Variants in ZNF827 observed in about 807,000 individuals in gnomAD.
ZNF827 encodes zinc finger protein 827.
ZNF827 carries 13 observed loss-of-function variants against 102.4 expected under a neutral mutation model. The ratio of observed to expected loss-of-function variants is 0.13; its 90% CI spans 0.08 to 0.20. The LOEUF is 0.20. Ranked by LOEUF, ZNF827 falls within the 10% of genes least tolerant of loss-of-function variation. The pLI is 1.00. For missense variants in ZNF827, 1,103 were observed against 1,344.4 expected (o/e 0.82, Z 2.81); for synonymous variants, 523 against 536.2 (o/e 0.98, Z 0.34).
chr4:145,830,378 A>G (rs1004647078), intron 7 of ZNF827: 4 of 152,214 alleles, frequency 2.6e-5, no homozygotes, highest in Non-Finnish European at 5.9e-5. Flanking sequence ...TACCTCCTCA[A>G]CATTTCCTCA....
rs770599323 is a variant in ZNF827, at chr4:145,763,317, C to T, written c.3231-195G>A. On this transcript the variant is annotated intron_variant, in intron 13 of 14. Coordinates refer to ENST00000508784, the MANE Select transcript of ZNF827 (RefSeq NM_001306215.2). This position sits in a 1 kb window ranked among gnomAD's most constrained non-coding sequence, Gnocchi z 4.6. ...AAGTGCTAAGGGTTTTCCGTGCTCC[C>T]GTTATTTTCTTAAAGACACTCTCTC... 1.3e-5 allele frequency among the ~76,000 whole-genome samples: 2 copies of T among 152,168 alleles called. No homozygotes were observed. The highest frequency in any genetic ancestry group is 2.4e-5 in the African/African-American group (1 of 41,430).
At chr4:145,869,479 G>A (rs2126752409) in intron 5 of ZNF827, among the ~76,000 whole-genome samples, 1 of 152,218 alleles carries the variant, frequency 6.6e-6, no homozygotes, top group South Asian at 2.1e-4. Flanking sequence ...ACTAAGGATG[G>A]GATATGACTT....
chr4:145,834,049 A>AC (rs1744557400), intron 7 of ZNF827, among the ~76,000 whole-genome samples: 1 of 152,082 alleles, frequency 6.6e-6, no homozygotes, highest in Non-Finnish European at 1.5e-5. Context: ...TGTGTTCTCA[A>AC]AAACTTAAAA....
At chr4:145,844,400 C>A (rs1036700737) in intron 7 of ZNF827, among the ~76,000 whole-genome samples, 1 of 148,784 alleles carries the variant, frequency 6.7e-6, no homozygotes, top group African/African-American at 2.5e-5. Context: ...CCAGTGTGAG[C>A]GAATCACGGT....
chr4:145,882,640 T>C (rs764616575), intron 4 of ZNF827, among the ~76,000 whole-genome samples: 1 of 152,184 alleles, frequency 6.6e-6, no homozygotes, highest in African/African-American at 2.4e-5. Context: ...AAGACTCCCC[T>C]TAATAACCAG....
At position 145,760,710 on chromosome 4, in the gene ZNF827, A is replaced by T; in HGVS notation, c.*906T>A. The T allele has an allele frequency of 9.8e-7, 1 of 1,023,714 alleles. No homozygotes were observed. The highest frequency in any genetic ancestry group is 1.2e-6 in the Non-Finnish European group (1 of 841,664). The allele number at this position is 1,023,714 out of a possible 1,614,324, so 63.4% of individuals were successfully genotyped here. ...ACATACACCTGCTGGGGTTGTGTTTAAGTTTTGTGGTTTTTTTTTTTTTTT... is the reference window on the plus strand; with the variant it reads ...ACATACACCTGCTGGGGTTGTGTTTTAGTTTTGTGGTTTTTTTTTTTTTTT... On this transcript the variant is annotated 3_prime_UTR_variant, in exon 15 of 15. Coordinates refer to ENST00000508784, the MANE Select transcript of ZNF827 (RefSeq NM_001306215.2).
At position 145,902,041 on chromosome 4, in the gene ZNF827, T is replaced by TAA; in HGVS notation, c.1093+124_1093+125insTT. On this transcript the variant is annotated intron_variant, in intron 2 of 14. Transcript: ENST00000508784. This position sits in a 1 kb window ranked among gnomAD's most constrained non-coding sequence, Gnocchi z 4.3. ...CTGCTTACTTAAAGTATTTTTGTTG[T>TAA]GCTCTTGCTTTTTTATTCCTGCCTC... 1 of 1,245,462 alleles carries TAA rather than the reference T, an allele frequency of 8.0e-7. No homozygotes were observed. The allele number at this position is 1,245,462 out of a possible 1,614,324, so 77.2% of individuals were successfully genotyped here.
chr4:145,858,172 T>TGC (rs1554000120), intron 5 of ZNF827, among the ~76,000 whole-genome samples: 63 of 147,978 alleles, frequency 4.3e-4, no homozygotes, highest in African/African-American at 1.2e-3. Context: ...TGTGTGTGTG[T>TGC]GCACATGTGG....
At chr4:145,792,018 C>T (rs1200736102) in intron 8 of ZNF827, among the ~76,000 whole-genome samples, 1 of 152,190 alleles carries the variant, frequency 6.6e-6, no homozygotes, top group Non-Finnish European at 1.5e-5. Flanking sequence ...TTGCAAAAAC[C>T]TCTGCTTTCT....
At chr4:145,782,954 T>C (rs767047394) in intron 8 of ZNF827, among the ~76,000 whole-genome samples, 1 of 152,248 alleles carries the variant, frequency 6.6e-6, no homozygotes, top group African/African-American at 2.4e-5. Flanking sequence ...GGTGAAGCCC[T>C]GCCCAATTCC....
At chr4:145,879,087 C>T (rs1749447464) in intron 4 of ZNF827, among the ~76,000 whole-genome samples, 1 of 152,034 alleles carries the variant, frequency 6.6e-6, no homozygotes, top group Non-Finnish European at 1.5e-5. Context: ...AACAGTGAAG[C>T]AGACGGAGGT....
intron 1 of ZNF827, among the ~76,000 whole-genome samples, chr4:145,920,543 T>C (rs1752988263): frequency 6.6e-6 from 1 of 152,196 alleles, no homozygotes. Context: ...CCAGGCTACA[T>C]TCACGCGAAT....
intron 1 of ZNF827, chr4:145,907,044 A>G (rs1751925663): frequency 4.4e-6 from 2 of 456,452 alleles, no homozygotes; most frequent in Non-Finnish European, 8.8e-6. Context: ...CATAGCTGAA[A>G]TTATTCTGGC....
At chr4:145,796,995 A>G (rs1186615518) in intron 8 of ZNF827, among the ~76,000 whole-genome samples, 1 of 152,114 alleles carries the variant, frequency 6.6e-6, no homozygotes, top group African/African-American at 2.4e-5. Flanking sequence ...ACCAAAGGGA[A>G]CCACATACAC....
chr4:145,902,773 G>T lies in ZNF827; in HGVS notation c.486C>A (p.His162Gln). The change falls in exon 2 of 15, where the codon CAC becomes CAA. Residue 162 changes from histidine to glutamine, a missense_variant. Transcript: ENST00000508784. This position sits in a 1 kb window ranked among gnomAD's most constrained non-coding sequence, Gnocchi z 4.3. ...TGGCCAGAACACTGAGCTGCTGGGC[G>T]TGGTGGGAAGGCGGGGAAAAGGAGA... ...SNLSFSPPSH[H>Q]AQQLSVLARK... 1.2e-6 allele frequency: 2 copies of T among 1,614,118 alleles called. No individual in the cohort carries two copies. The highest frequency in any genetic ancestry group is 1.7e-6 in the Non-Finnish European group (2 of 1,180,020).
At chr4:145,862,142 A>G (rs1425825441) in intron 5 of ZNF827, among the ~76,000 whole-genome samples, 1 of 152,218 alleles carries the variant, frequency 6.6e-6, no homozygotes. Context: ...ATTACAAAAT[A>G]AACAGAAGGG....
At chr4:145,880,072 CA>C in intron 4 of ZNF827, among the ~76,000 whole-genome samples, 1 of 152,112 alleles carries the variant, frequency 6.6e-6, no homozygotes, top group South Asian at 2.1e-4. Flanking sequence ...CCATCTCTAC[CA>C]AAAATATAAA....
chr4:145,786,853 C>A (rs1199991249), intron 8 of ZNF827, among the ~76,000 whole-genome samples: 3 of 152,220 alleles, frequency 2.0e-5, no homozygotes, highest in Admixed American at 2.0e-4. Context: ...GGGTTACTTG[C>A]CAACATCTAC....
intron 8 of ZNF827, among the ~76,000 whole-genome samples, chr4:145,792,780 T>C (rs1579205891): frequency 1.3e-5 from 2 of 152,328 alleles, no homozygotes; most frequent in East Asian, 3.9e-4. Context: ...AAAAAAGATG[T>C]CTTCCTTCCA....
Sources: allele counts gnomAD v4.1 joint callset (sites outside exome capture counted in the v4.1 genomes callset), GRCh38; gene constraint gnomAD v4.1.1; non-coding constraint Gnocchi (gnomAD v3.1); transcripts MANE v1.5; gene names NCBI Gene and HGNC (gene_info 2026-07-23, HGNC 2026-07-21).